GRM1: variants seen among roughly 807,000 people sequenced by gnomAD.
GRM1 encodes metabotropic glutamate receptor 1.
In GRM1, 33 loss-of-function variants were observed where a neutral mutation model predicts 90.9. The observed-to-expected ratio is 0.36, with a 90% CI of 0.28 to 0.49. The LOEUF (loss-of-function observed/expected upper bound fraction) is 0.49, where lower values mean the gene tolerates loss of function less well. Among genes scored for constraint, GRM1 ranks in the 20% least tolerant of loss-of-function variants. The probability of loss-of-function intolerance (pLI) is 0.99; values close to 1 mark genes in which losing one functional copy is unlikely to be tolerated. For synonymous variants in GRM1, 700 were observed against 613.2 expected (o/e 1.14, Z -2.09); for missense variants, 1,190 against 1,534.3 (o/e 0.78, Z 3.75).
chr6:146,349,682 G>A (rs1785324247), intron 3 of GRM1, among the ~76,000 whole-genome samples: 1 of 151,834 alleles, frequency 6.6e-6, no homozygotes, highest in African/African-American at 2.4e-5. Context: ...GGAGACATCA[G>A]GTATTCTTGT....
chr6:146,073,312 A>G (rs1028350253), intron 1 of GRM1, among the ~76,000 whole-genome samples: 1 of 152,074 alleles, frequency 6.6e-6, no homozygotes, highest in African/African-American at 2.4e-5. Flanking sequence ...AAACATTTTC[A>G]ATGTGGGTTA....
In GRM1 at chr6:146,185,462, C is replaced by A. The variant is rs73573193; in HGVS notation, c.950+25865C>A. Among the ~76,000 whole-genome samples, 1,511 of 152,280 alleles carry A rather than the reference C, an allele frequency of 9.9e-3. 22 individuals carry two copies. Among genetic ancestry groups the A allele is most frequent in the African/African-American group, 0.034 (1,431 of 41,554 alleles). The stretch of plus-strand genomic sequence containing the variant: ...CTCCCTTGTCCTCTGCTCTCTGTGA[C>A]CCTCTGAAAGATTCCTTCCTTTCTG... On this transcript the variant is annotated intron_variant, in intron 2 of 7. Coordinates refer to ENST00000282753, the MANE Select transcript of GRM1 (RefSeq NM_001278064.2).
intron 1 of GRM1, among the ~76,000 whole-genome samples, chr6:146,082,159 T>C (rs1240264929): frequency 6.6e-6 from 1 of 151,958 alleles, no homozygotes; most frequent in Non-Finnish European, 1.5e-5. Context: ...TTTTGTTCGG[T>C]TGGTTTCTTT....
intron 2 of GRM1, among the ~76,000 whole-genome samples, chr6:146,190,123 G>A (rs150538669): frequency 6.6e-6 from 1 of 152,174 alleles, no homozygotes; most frequent in African/African-American, 2.4e-5. Context: ...TGCTAAAGCT[G>A]GACCTTTACA....
intron 2 of GRM1, among the ~76,000 whole-genome samples, chr6:146,179,450 G>A (rs1393666134): frequency 2.0e-5 from 3 of 152,172 alleles, no homozygotes; most frequent in African/African-American, 7.2e-5. Context: ...AAAGGACAGT[G>A]TGCCTGTTGT....
At chr6:146,044,997 C>G (rs1396441370) in intron 1 of GRM1, among the ~76,000 whole-genome samples, 2 of 151,840 alleles carry the variant, frequency 1.3e-5, no homozygotes, top group East Asian at 3.9e-4. Context: ...TACAGGCTCT[C>G]AGGTGGTATT....
chr6:146,172,104 A>G (rs1778149631), intron 2 of GRM1, among the ~76,000 whole-genome samples: 1 of 152,108 alleles, frequency 6.6e-6, no homozygotes. Flanking sequence ...AGAAAAAAAA[A>G]GACAAAAAAG....
intron 2 of GRM1, among the ~76,000 whole-genome samples, chr6:146,225,319 C>A (rs1171283954): frequency 6.6e-6 from 1 of 152,110 alleles, no homozygotes; most frequent in African/African-American, 2.4e-5. Flanking sequence ...TTGAAGATCT[C>A]TCACTAGTTT....
At chr6:146,128,539 T>C (rs191056365) in intron 1 of GRM1, among the ~76,000 whole-genome samples, 2 of 152,276 alleles carry the variant, frequency 1.3e-5, no homozygotes, top group Admixed American at 1.3e-4. Flanking sequence ...CTAGAGTTTG[T>C]ACTTTTAATC....
intron 2 of GRM1, among the ~76,000 whole-genome samples, chr6:146,195,944 G>A (rs768282092): frequency 2.0e-5 from 3 of 152,140 alleles, no homozygotes; most frequent in East Asian, 3.9e-4. Context: ...CTATGAAAAG[G>A]GACCACAAGT....
intron 1 of GRM1, among the ~76,000 whole-genome samples, chr6:146,085,549 T>C (rs551494919): frequency 6.6e-6 from 1 of 152,286 alleles, no homozygotes; most frequent in Admixed American, 6.5e-5. Context: ...CTAGACCCTT[T>C]GTTAAATATA....
At chr6:146,109,547 A>G (rs1471362645) in intron 1 of GRM1, among the ~76,000 whole-genome samples, 1 of 152,160 alleles carries the variant, frequency 6.6e-6, no homozygotes, top group African/African-American at 2.4e-5. Flanking sequence ...CTCATGGAGA[A>G]CCTCTGCTAG....
At chr6:146,060,318 G>A (rs960881959) in intron 1 of GRM1, among the ~76,000 whole-genome samples, 5 of 151,946 alleles carry the variant, frequency 3.3e-5, no homozygotes, top group Non-Finnish European at 7.4e-5. Flanking sequence ...CATGCTGTGG[G>A]AATTTGGCGT....
intron 1 of GRM1, among the ~76,000 whole-genome samples, chr6:146,152,127 T>C (rs1342481252): frequency 2.0e-5 from 3 of 152,168 alleles, no homozygotes; most frequent in African/African-American, 4.8e-5. Flanking sequence ...ATATAGCACA[T>C]TACCACGTTG....
At chr6:146,033,871 A>G (rs1790791931) in intron 1 of GRM1, among the ~76,000 whole-genome samples, 1 of 152,058 alleles carries the variant, frequency 6.6e-6, no homozygotes, top group South Asian at 2.1e-4. Context: ...GATTAATGCA[A>G]TTACCTGTAA....
At chr6:146,278,594 G>A (rs1782456913) in intron 2 of GRM1, among the ~76,000 whole-genome samples, 1 of 152,092 alleles carries the variant, frequency 6.6e-6, no homozygotes, top group Non-Finnish European at 1.5e-5. Flanking sequence ...TGGCCAACAT[G>A]GTGAAACCCT....
At chr6:146,346,755 C>T (rs1583360806) in intron 3 of GRM1, among the ~76,000 whole-genome samples, 3 of 152,114 alleles carry the variant, frequency 2.0e-5, no homozygotes, top group South Asian at 2.1e-4. Flanking sequence ...TTTCTTTGCT[C>T]GATATGTTAA....
chr6:146,286,425 GTTAA>G (rs1782768942), intron 2 of GRM1, among the ~76,000 whole-genome samples: 1 of 152,134 alleles, frequency 6.6e-6, no homozygotes, highest in Admixed American at 6.5e-5. Context: ...TTATCAGAAA[GTTAA>G]TTGATTAGAT....
chr6:146,355,443 C>G (rs962728776), intron 4 of GRM1, among the ~76,000 whole-genome samples: 2 of 152,134 alleles, frequency 1.3e-5, no homozygotes, highest in African/African-American at 4.8e-5. Flanking sequence ...TCTGGGTGTA[C>G]CATTCTCTCT....
Sources: gnomAD v4.1 joint callset for allele counts (sites outside exome capture counted in the v4.1 genomes callset) on GRCh38, gnomAD v4.1.1 for gene constraint, MANE v1.5 for transcripts, NCBI Gene and HGNC (gene_info 2026-07-23, HGNC 2026-07-21) for gene names.